Variants in NEBL observed in about 807,000 individuals in gnomAD.
NEBL encodes nebulette.
Under a neutral mutation model 140.2 loss-of-function variants are expected in NEBL, and 122 were observed. That is an observed-to-expected ratio of 0.87 (90% CI 0.75 to 1.01). NEBL has a LOEUF of 1.01. Among genes scored for constraint, NEBL ranks in the 50% least tolerant of loss-of-function variants. The pLI is 0.00. For synonymous variants in NEBL, 436 were observed against 398.9 expected, an observed-to-expected ratio of 1.09 and a Z score of -1.11; for missense variants, 1,365 against 1,231.3, an observed-to-expected ratio of 1.11 and a Z score of -1.62.
chr10:21,032,123 C>T (rs894212523), intron 2 of NEBL, among the ~76,000 whole-genome samples: 2 of 152,188 alleles, frequency 1.3e-5, no homozygotes, highest in Admixed American at 1.3e-4. Context: ...TGAAGAAATT[C>T]TCCCATCAAA....
chr10:21,280,130 C>A (rs1263721952), intron 1 of NEBL, among the ~76,000 whole-genome samples: 2 of 152,114 alleles, frequency 1.3e-5, no homozygotes, highest in Non-Finnish European at 2.9e-5. Context: ...TTAGGGTCAC[C>A]TGGGGTCTTT....
In NEBL at chr10:21,188,016, C is replaced by T. The variant is rs551516491; in HGVS notation, n.349-15539G>A. Among the ~76,000 whole-genome samples the T allele has an allele frequency of 8.2e-4, 125 of 152,216 alleles. 4 individuals are homozygous for T. The South Asian group carries it at 0.024, about 29-fold the overall frequency. Reference sequence around the variant, plus strand: ...TGTTTCTCTCTCGGGCTTGTCTTCACGGAGCCTTCATCAATTACAGTTAAG... The same window carrying T: ...TGTTTCTCTCTCGGGCTTGTCTTCATGGAGCCTTCATCAATTACAGTTAAG... On this transcript the variant is annotated intron_variant and non_coding_transcript_variant, in intron 3 of 8. Coordinates refer to the NEBL transcript ENST00000675702.
At chr10:21,000,020 G>A (rs985023751) in intron 3 of NEBL, among the ~76,000 whole-genome samples, 2 of 151,890 alleles carry the variant, frequency 1.3e-5, no homozygotes, top group African/African-American at 4.8e-5. Context: ...TTCCTCCTCT[G>A]ATGGAAGGTT....
chr10:21,255,750 C>A (rs1842650508), intron 1 of NEBL, among the ~76,000 whole-genome samples: 1 of 152,088 alleles, frequency 6.6e-6, no homozygotes, highest in Non-Finnish European at 1.5e-5. Context: ...GTAATCCCAA[C>A]ACTTTGGGAG....
At chr10:20,808,683 C>G (rs767805020) in intron 25 of NEBL, 24 bp from the exon 26 acceptor site, 2 of 1,606,220 alleles carry the variant, frequency 1.2e-6, no homozygotes, top group Admixed American at 3.3e-5. Context: ...AAAATATTTA[C>G]ACGTGTGATT....
intron 4 of NEBL, among the ~76,000 whole-genome samples, chr10:20,935,520 C>T (rs1012138923): frequency 2.0e-5 from 3 of 152,152 alleles, no homozygotes; most frequent in African/African-American, 7.2e-5. Flanking sequence ...GCCTGGAAAT[C>T]ACACGGACTT....
At chr10:21,142,247 T>A (rs1321156751) in intron 2 of NEBL, among the ~76,000 whole-genome samples, 2 of 152,028 alleles carry the variant, frequency 1.3e-5, no homozygotes, top group Non-Finnish European at 2.9e-5. Flanking sequence ...ACCAACCAAA[T>A]AGCCTAGAAA....
intron 4 of NEBL, among the ~76,000 whole-genome samples, chr10:20,913,246 A>G (rs1372924118): frequency 6.6e-6 from 1 of 152,172 alleles, no homozygotes; most frequent in African/African-American, 2.4e-5. Context: ...AGAGTAAGTG[A>G]AGAGAACAAT....
chr10:20,819,246 T>C (rs775511908), intron 20 of NEBL, 178 bp downstream of exon 20: 8 of 1,090,002 alleles, frequency 7.3e-6, no homozygotes, highest in Non-Finnish European at 1.0e-5. Flanking sequence ...GGCTCCGGTG[T>C]CTGTTATTCC....
chr10:21,240,624 A>C (rs571111687), intron 3 of NEBL, among the ~76,000 whole-genome samples: 11 of 152,290 alleles, frequency 7.2e-5, no homozygotes, highest in Admixed American at 2.0e-4. Flanking sequence ...GTCACACACA[A>C]AAAAAAGCCA....
chr10:20,991,327 T>C (rs920564876), intron 3 of NEBL, among the ~76,000 whole-genome samples: 1 of 152,120 alleles, frequency 6.6e-6, no homozygotes, highest in Non-Finnish European at 1.5e-5. Flanking sequence ...AAATAGGTGG[T>C]TCTAAAGTTT....
chr10:21,098,050 T>A (rs1837280113), intron 2 of NEBL, among the ~76,000 whole-genome samples: 4 of 152,182 alleles, frequency 2.6e-5, no homozygotes, highest in Admixed American at 1.3e-4. Flanking sequence ...ACAACAATTA[T>A]CTAAATGTTG....
chr10:21,218,322 C>T (rs751741095), intron 3 of NEBL: 1 of 152,208 alleles, frequency 6.6e-6, no homozygotes, highest in Non-Finnish European at 1.5e-5. Context: ...CAATTTAGGA[C>T]AGTTCAGGTC....
At chr10:21,076,400 G>A (rs190058227) in intron 2 of NEBL, among the ~76,000 whole-genome samples, 475 of 134,156 alleles carry the variant, frequency 3.5e-3, no homozygotes, top group African/African-American at 0.013. Flanking sequence ...AGCCGAGATC[G>A]TGCCACTGCA....
chr10:20,849,609 C>T (rs370883331), intron 11 of NEBL, among the ~76,000 whole-genome samples: 176 of 152,264 alleles, frequency 1.2e-3, no homozygotes, highest in African/African-American at 4.0e-3. Context: ...GTCTTTCCAC[C>T]TTCTGCCATG....
intron 2 of NEBL, among the ~76,000 whole-genome samples, chr10:21,043,654 T>G (rs959785569): frequency 2.0e-5 from 3 of 152,192 alleles, no homozygotes; most frequent in African/African-American, 7.2e-5. Context: ...ATCATCACCT[T>G]TCCTAGTGAG....
At chr10:20,992,765 CTTTTTTTTTTTTTT>C (rs35627113) in intron 3 of NEBL, among the ~76,000 whole-genome samples, 1 of 52,462 alleles carries the variant, frequency 1.9e-5, no homozygotes, top group South Asian at 1.1e-3. Context: ...ACTACAAAGT[CTTTTTTTTTTTTTT>C]TTTTTTTTTT....
In NEBL at chr10:20,893,894, G is replaced by A. The variant is rs1442429644; in HGVS notation, c.153+3064C>T. Reference sequence around the variant, plus strand: ...CAGCTACAGGTCAGAAATTAGGAATGAAATGGCTCTGATGGTCTACAGATT... The same window carrying A: ...CAGCTACAGGTCAGAAATTAGGAATAAAATGGCTCTGATGGTCTACAGATT... On this transcript the variant is annotated intron_variant, in intron 2 of 27. Transcript: ENST00000377122. Among the ~76,000 whole-genome samples the A allele has an allele frequency of 4.6e-5, 7 of 152,196 alleles. No individual in the cohort carries two copies. The East Asian group carries it at 1.3e-3, about 29-fold the overall frequency.
chr10:20,920,667 AG>A (rs1472793222), intron 4 of NEBL, among the ~76,000 whole-genome samples: 1 of 152,214 alleles, frequency 6.6e-6, no homozygotes, highest in African/African-American at 2.4e-5. Flanking sequence ...TACCAAGTAA[AG>A]GTCAGAATAG....
Sources: gnomAD v4.1 joint callset for allele counts (sites outside exome capture counted in the v4.1 genomes callset) on GRCh38, gnomAD v4.1.1 for gene constraint, MANE v1.5 for transcripts, NCBI Gene and HGNC (gene_info 2026-07-23, HGNC 2026-07-21) for gene names.